The following MTUS2 variants were observed in gnomAD, a reference collection of about 807,000 sequenced individuals.
MTUS2 encodes the protein microtubule-associated tumor suppressor candidate 2.
A neutral mutation model predicts 114.1 loss-of-function variants in MTUS2; 40 were observed. That is an observed-to-expected ratio of 0.35 (90% CI 0.27 to 0.46). The LOEUF (loss-of-function observed/expected upper bound fraction) is 0.46, where lower values mean the gene tolerates loss of function less well. Ranked by LOEUF, MTUS2 falls within the 20% of genes least tolerant of loss-of-function variation. The probability of loss-of-function intolerance (pLI) is 1.00; values close to 1 mark genes in which losing one functional copy is unlikely to be tolerated. For synonymous variants in MTUS2, 688 were observed against 672.0 expected, an observed-to-expected ratio of 1.02 and a Z score of -0.37; for missense variants, 1,679 against 1,705.4, an observed-to-expected ratio of 0.98 and a Z score of 0.27.
At chr13:29,071,617 G>A (rs1888942690) in intron 4 of MTUS2, among the ~76,000 whole-genome samples, 1 of 150,964 alleles carries the variant, frequency 6.6e-6, no homozygotes, top group Non-Finnish European at 1.5e-5. Flanking sequence ...TATTAGAGAC[G>A]GGGTTTCACC....
intron 2 of MTUS2, among the ~76,000 whole-genome samples, chr13:28,988,324 A>G (rs1300409204): frequency 6.6e-6 from 1 of 152,202 alleles, no homozygotes; most frequent in African/African-American, 2.4e-5. Context: ...CAAAGTGGGA[A>G]TGATATATGC....
chr13:29,133,000 C>T (rs1221314432), intron 5 of MTUS2, among the ~76,000 whole-genome samples: 1 of 151,852 alleles, frequency 6.6e-6, no homozygotes, highest in Non-Finnish European at 1.5e-5. Flanking sequence ...TCCAGGTTCT[C>T]CACATTCTTG....
At chr13:29,079,894 T>C (rs1006146398) in intron 4 of MTUS2, among the ~76,000 whole-genome samples, 1 of 152,218 alleles carries the variant, frequency 6.6e-6, no homozygotes, top group Non-Finnish European at 1.5e-5. Context: ...TGAATTTCTA[T>C]ATGAATTTTA....
chr13:28,834,517 C>T (rs1340301287), intron 1 of MTUS2, among the ~76,000 whole-genome samples: 3 of 151,710 alleles, frequency 2.0e-5, no homozygotes, highest in African/African-American at 7.3e-5. Flanking sequence ...TACTTCATAC[C>T]ATATACAAAA....
At chr13:29,407,090 C>A (rs1251950892) in intron 8 of MTUS2, among the ~76,000 whole-genome samples, 1 of 152,022 alleles carries the variant, frequency 6.6e-6, no homozygotes, top group Non-Finnish European at 1.5e-5. Flanking sequence ...ACTAAAAATA[C>A]AAAAAATTAG....
chr13:29,277,136 A>G (rs1898096177), intron 5 of MTUS2, among the ~76,000 whole-genome samples: 1 of 152,098 alleles, frequency 6.6e-6, no homozygotes. Context: ...TCAGTCCAAA[A>G]TATCCTCATA....
At chr13:29,324,362 G>A (rs150123673) in intron 6 of MTUS2, among the ~76,000 whole-genome samples, 4 of 152,222 alleles carry the variant, frequency 2.6e-5, no homozygotes, top group South Asian at 2.1e-4. Context: ...AGAAGGGGGC[G>A]TTTTTCATCA....
rs560366358 is a variant in MTUS2, at chr13:28,918,398, T to C, written c.-243+78548T>C. The stretch of plus-strand genomic sequence containing the variant: ...TAAATGTTATATACTCTTGCTGAAT[T>C]GACCACCTTATCATTATATAATGAC... On this transcript the variant is annotated intron_variant, in intron 2 of 15. Transcript: ENST00000612955. Among the ~76,000 whole-genome samples the C allele has an allele frequency of 1.3e-4, 20 of 152,164 alleles. No individual in the cohort carries two copies. In the East Asian group the frequency reaches 3.9e-3, roughly 29 times the overall value.
chr13:29,289,505 C>G (rs1898621927), intron 6 of MTUS2, among the ~76,000 whole-genome samples: 1 of 151,316 alleles, frequency 6.6e-6, no homozygotes, highest in Non-Finnish European at 1.5e-5. Flanking sequence ...CTCTGTCGCC[C>G]AGGCTGGAGT....
At chr13:29,163,835 C>T (rs991333608) in intron 5 of MTUS2, among the ~76,000 whole-genome samples, 3 of 152,264 alleles carry the variant, frequency 2.0e-5, no homozygotes, top group East Asian at 1.9e-4. Flanking sequence ...TGCAGTCATA[C>T]GTGTTAGAAA....
intron 4 of MTUS2, among the ~76,000 whole-genome samples, chr13:29,034,406 T>C (rs1349801012): frequency 6.6e-6 from 1 of 152,174 alleles, no homozygotes; most frequent in Non-Finnish European, 1.5e-5. Flanking sequence ...TCAGAAGTTG[T>C]TTTCTGTCAA....
intron 4 of MTUS2, among the ~76,000 whole-genome samples, chr13:29,058,596 T>A (rs9579275): frequency 2.7e-5 from 4 of 150,648 alleles, no homozygotes; most frequent in Admixed American, 6.6e-5. Flanking sequence ...ATTATTTTTT[T>A]ATTTTTTTAT....
At chr13:29,271,140 A>T (rs1479341943) in intron 5 of MTUS2, among the ~76,000 whole-genome samples, 3 of 152,148 alleles carry the variant, frequency 2.0e-5, no homozygotes, top group Non-Finnish European at 2.9e-5. Context: ...AATCTTTGAA[A>T]TGCATTCTGG....
intron 2 of MTUS2, among the ~76,000 whole-genome samples, chr13:29,017,360 G>T (rs1375789478): frequency 6.6e-6 from 1 of 152,170 alleles, no homozygotes; most frequent in Admixed American, 6.5e-5. Flanking sequence ...GAAGTCAGAT[G>T]AACTTGCATT....
At chr13:28,970,974 A>C (rs1385330644) in intron 2 of MTUS2, among the ~76,000 whole-genome samples, 1 of 152,228 alleles carries the variant, frequency 6.6e-6, no homozygotes, top group Admixed American at 6.5e-5. Context: ...GATTTGCAAG[A>C]GCAGCTAATG....
intron 4 of MTUS2, among the ~76,000 whole-genome samples, chr13:29,035,124 C>T (rs754735519): frequency 5.3e-5 from 8 of 152,254 alleles, no homozygotes; most frequent in South Asian, 4.2e-4. Flanking sequence ...GGTGTCACTT[C>T]TTCAAACTCA....
At position 29,465,895 on chromosome 13, in the gene MTUS2, G is replaced by T. The variant is rs1042649929; in HGVS notation, c.3185-14255G>T. Among the ~76,000 whole-genome samples the T allele has an allele frequency of 5.9e-5, 9 of 152,384 alleles. No homozygotes were observed. The East Asian group carries it at 1.7e-3, about 29-fold the overall frequency. On this transcript the variant is annotated intron_variant, in intron 9 of 15. Coordinates refer to ENST00000612955, the MANE Select transcript of MTUS2 (RefSeq NM_001033602.4). Reference sequence around the variant, plus strand: ...GTTAGAACAGTCTGCCTGCTGGCAGGAAGCCAGGGCTGCATGGAGAAACCG... The same window carrying T: ...GTTAGAACAGTCTGCCTGCTGGCAGTAAGCCAGGGCTGCATGGAGAAACCG...
intron 6 of MTUS2, among the ~76,000 whole-genome samples, chr13:29,285,603 C>A (rs189416446): frequency 7.4e-4 from 113 of 152,232 alleles, no homozygotes; most frequent in African/African-American, 2.6e-3. Flanking sequence ...CAGAGAAGCA[C>A]GTTAAAAACA....
chr13:29,116,532 A>G lies in MTUS2; in HGVS notation c.2644+15562A>G, dbSNP rs1390929038. 4.6e-5 allele frequency among the ~76,000 whole-genome samples: 7 copies of G among 152,168 alleles called. No homozygotes were observed. In the East Asian group the frequency reaches 1.3e-3, roughly 29 times the overall value. Reference sequence around the variant, plus strand: ...GGATACATATACCGTGTTTTTTCCTATACATACATACCTAGGATCAAGTAT... The same window carrying G: ...GGATACATATACCGTGTTTTTTCCTGTACATACATACCTAGGATCAAGTAT... On this transcript the variant is annotated intron_variant, in intron 5 of 15. Transcript: ENST00000612955.
Sources: allele counts gnomAD v4.1 joint callset (sites outside exome capture counted in the v4.1 genomes callset), GRCh38; gene constraint gnomAD v4.1.1; transcripts MANE v1.5; gene names NCBI Gene and HGNC (gene_info 2026-07-23, HGNC 2026-07-21).